DNAH5: variants seen among roughly 807,000 people sequenced by gnomAD.
DNAH5 encodes the protein dynein axonemal heavy chain 5.
DNAH5 carries 372 observed loss-of-function variants against 518.2 expected under a neutral mutation model. The ratio of observed to expected loss-of-function variants is 0.72; its 90% CI spans 0.66 to 0.78. The LOEUF (loss-of-function observed/expected upper bound fraction) is 0.78. DNAH5 is among the 30% of genes least tolerant of loss of function. The probability of loss-of-function intolerance (pLI) is 0.00; values close to 1 mark genes in which losing one functional copy is unlikely to be tolerated. For missense variants in DNAH5, 5,523 were observed against 5,687.0 expected (o/e 0.97, Z 0.93); for synonymous variants, 2,039 against 2,025.9 (o/e 1.01, Z -0.17).
intron 1 of DNAH5, among the ~76,000 whole-genome samples, chr5:13,970,175 A>T (rs1407999843): frequency 6.6e-6 from 1 of 152,132 alleles, no homozygotes; most frequent in Non-Finnish European, 1.5e-5. Context: ...CCTTAAATGT[A>T]TGTGAGTCCT....
At chr5:13,776,820 C>CG in intron 54 of DNAH5, 114 bp from the exon 55 acceptor site, 1 of 1,191,366 alleles carries the variant, frequency 8.4e-7, no homozygotes, top group Non-Finnish European at 1.2e-6. Flanking sequence ...AACTCACCTA[C>CG]AGAAAATTGA....
rs759903657 is a variant in DNAH5, at chr5:13,751,072, A to C, written c.11211+6T>G. 6.2e-7 allele frequency: 1 copy of C among 1,613,752 alleles called. No homozygotes were observed. Among genetic ancestry groups the C allele is most frequent in the South Asian group, 1.1e-5 (1 of 91,078 alleles). On this transcript the variant is annotated splice_donor_region_variant and intron_variant, in intron 65 of 78. Coordinates refer to ENST00000265104, the MANE Select transcript of DNAH5 (RefSeq NM_001369.3). ...GCAGAATGGGAGGGAGCCACACTTC[A>C]CTCACCTGCTTCTCTGTGAGAATGA...
At chr5:13,847,604 T>G (rs1342161464) in intron 31 of DNAH5, among the ~76,000 whole-genome samples, 1 of 151,624 alleles carries the variant, frequency 6.6e-6, no homozygotes, top group Non-Finnish European at 1.5e-5. Flanking sequence ...TGCCCCTGTA[T>G]TCCCAGCTAC....
At chr5:13,822,393 G>C (rs1339798215) in intron 40 of DNAH5, among the ~76,000 whole-genome samples, 1 of 151,980 alleles carries the variant, frequency 6.6e-6, no homozygotes. Context: ...TGGGACTATA[G>C]GCACATGGCA....
rs1746208138 is a variant in DNAH5, at chr5:13,729,517, T to C, written c.11805A>G (p.Ser3935=). Residue 3935 remains serine, a synonymous_variant, in exon 69 of 79, where the codon TCA becomes TCG. Transcript: ENST00000265104. ...LDLKACPPKP[S]KWILDITWLN... ...GCCATGTTATGTCCAGGATCCATTT[T>C]GATGGTTTTGGAGGACAAGCTTTAA... 1 of 1,613,964 alleles carries C rather than the reference T, an allele frequency of 6.2e-7. No individual in the cohort carries two copies. The highest frequency in any genetic ancestry group is 8.5e-7 in the Non-Finnish European group (1 of 1,179,860).
intron 11 of DNAH5, 63 bp downstream of exon 11, chr5:13,913,680 T>G (rs921000095): frequency 1.3e-6 from 2 of 1,577,870 alleles, no homozygotes; most frequent in Non-Finnish European, 1.7e-6. Flanking sequence ...CACTGTTATT[T>G]GCATAAAATA....
chr5:13,737,540 T>A (rs779157573), intron 65 of DNAH5, 45 bp from the exon 66 acceptor site: 1 of 1,593,298 alleles, frequency 6.3e-7, no homozygotes, highest in South Asian at 1.1e-5. Context: ...TTAACAACTC[T>A]TGTTGAGTAT....
upstream of DNAH5, among the ~76,000 whole-genome samples, chr5:13,946,859 T>C (rs1230018603): frequency 1.3e-5 from 2 of 152,272 alleles, no homozygotes; most frequent in African/African-American, 4.8e-5. Context: ...GAGTGCCTTT[T>C]ACGCAGCCAG....
intron 6 of DNAH5, 144 bp downstream of exon 6, chr5:13,920,336 G>T (rs1777112355): frequency 1.5e-5 from 17 of 1,099,450 alleles, no homozygotes; most frequent in Non-Finnish European, 2.3e-5. Context: ...GACAGTAAAG[G>T]AAAACCACAT....
chr5:13,941,183 T>A (rs1018353467), intron 1 of DNAH5, among the ~76,000 whole-genome samples: 8 of 152,114 alleles, frequency 5.3e-5, no homozygotes, highest in Non-Finnish European at 8.8e-5. Context: ...CAAGACTCCA[T>A]CTCTACAAAA....
At chr5:13,928,705 T>C (rs78521223) in intron 2 of DNAH5, among the ~76,000 whole-genome samples, 2 of 152,334 alleles carry the variant, frequency 1.3e-5, no homozygotes, top group East Asian at 3.9e-4. Context: ...TCTACAAGTC[T>C]AACAAATGGC....
chr5:14,011,432 ACGTG>A (rs1785112710), intron 1 of DNAH5, among the ~76,000 whole-genome samples: 1 of 152,168 alleles, frequency 6.6e-6, no homozygotes, highest in East Asian at 1.9e-4. Flanking sequence ...GAGGAAAAAA[ACGTG>A]CGAAATTCCA....
Position 13,762,814 on chromosome 5 carries a change from T to A in DNAH5, c.10189A>T (p.Lys3397Ter), listed in dbSNP as rs772234020. Residue 3397 changes from lysine (K) to a stop codon, truncating the protein, a stop_gained, in exon 60 of 79, where the codon AAA becomes TAA. Transcript: ENST00000265104. LOFTEE classifies it high-confidence loss of function. ...EMPDYNIETA[K>*]RVCGNVAGLC... ...CCAGCTACATTTCCACATACGCGTT[T>A]AGCAGTTTCGATGTTATAGTCAGGC... is the stretch of plus-strand genomic sequence containing the variant. The A allele has an allele frequency of 6.2e-7, 1 of 1,613,040 alleles. No individual in the cohort carries two copies. The highest frequency in any genetic ancestry group is 8.5e-7 in the Non-Finnish European group (1 of 1,178,976).
intron 58 of DNAH5, among the ~76,000 whole-genome samples, chr5:13,767,094 T>A (rs1019470971): frequency 6.6e-6 from 1 of 152,168 alleles, no homozygotes; most frequent in Non-Finnish European, 1.5e-5. Flanking sequence ...ATTACATACC[T>A]TGAAAAGGTT....
At chr5:13,795,020 A>T (rs569029173) in intron 47 of DNAH5, among the ~76,000 whole-genome samples, 5 of 152,322 alleles carry the variant, frequency 3.3e-5, no homozygotes, top group African/African-American at 1.2e-4. Context: ...AAAGATATTA[A>T]AACTGAAAGA....
intron 69 of DNAH5, among the ~76,000 whole-genome samples, chr5:13,728,802 C>G (rs1746112288): frequency 6.6e-6 from 1 of 152,196 alleles, no homozygotes; most frequent in Admixed American, 6.5e-5. Flanking sequence ...TCTCTATGGT[C>G]ACCTGATTTT....
chr5:13,931,702 C>A (rs141408589), intron 1 of DNAH5, among the ~76,000 whole-genome samples: 17 of 152,284 alleles, frequency 1.1e-4, no homozygotes, highest in African/African-American at 3.6e-4. Context: ...CTTCTGAATA[C>A]CATTGCTTGC....
At chr5:13,861,831 C>T (rs1003007029) in intron 29 of DNAH5, among the ~76,000 whole-genome samples, 5 of 151,720 alleles carry the variant, frequency 3.3e-5, no homozygotes, top group South Asian at 2.1e-4. Flanking sequence ...GTGGCTGTTG[C>T]CTGTAATCCC....
At chr5:13,732,870 CAG>C (rs1334114780) in intron 68 of DNAH5, among the ~76,000 whole-genome samples, 1 of 152,260 alleles carries the variant, frequency 6.6e-6, no homozygotes, top group Admixed American at 6.5e-5. Flanking sequence ...AAAGTCCTTA[CAG>C]AGAGAGTTTA....
Sources: allele counts gnomAD v4.1 joint callset (sites outside exome capture counted in the v4.1 genomes callset), GRCh38; gene constraint gnomAD v4.1.1; transcripts MANE v1.5; gene names NCBI Gene and HGNC (gene_info 2026-07-23, HGNC 2026-07-21).